The following CEP63 variants were observed in gnomAD, a reference collection of about 807,000 sequenced individuals.
CEP63 encodes centrosomal protein 63.
Under a neutral mutation model 89.1 loss-of-function variants are expected in CEP63, and 84 were observed. That is an observed-to-expected ratio of 0.94 (90% CI 0.79 to 1.13). CEP63 has a LOEUF of 1.13. Ranked by LOEUF, CEP63 falls within the 50% of genes most tolerant of loss-of-function variation. The pLI, the probability that CEP63 is intolerant of heterozygous loss-of-function variation, is 0.00. For missense variants in CEP63, 838 were observed against 813.3 expected (o/e 1.03, Z -0.37); for synonymous variants, 267 against 272.5 (o/e 0.98, Z 0.20).
chr3:134,543,222 T>G (rs1326191896), intron 6 of CEP63, among the ~76,000 whole-genome samples: 1 of 152,230 alleles, frequency 6.6e-6, no homozygotes, highest in Non-Finnish European at 1.5e-5. Flanking sequence ...ACTTTACATT[T>G]TTTTAATGAG....
chr3:134,687,964 G>A, the CEP63 span, among the ~76,000 whole-genome samples: 3 of 152,212 alleles, frequency 2.0e-5, no homozygotes, highest in African/African-American at 2.4e-5. Context: ...CATCACTGAC[G>A]GGGAAGTAAA....
chr3:134,764,560 G>A, the CEP63 span, among the ~76,000 whole-genome samples: 1 of 152,158 alleles, frequency 6.6e-6, no homozygotes, highest in East Asian at 1.9e-4. Flanking sequence ...TCACAATGGG[G>A]CAGTACATAG....
chr3:134,728,960 A>G, the CEP63 span, among the ~76,000 whole-genome samples: 4 of 152,124 alleles, frequency 2.6e-5, no homozygotes, highest in Non-Finnish European at 5.9e-5. Flanking sequence ...ATTATATTCC[A>G]TGTACATTTC....
At chr3:134,690,980 C>T in the CEP63 span, among the ~76,000 whole-genome samples, 1 of 152,152 alleles carries the variant, frequency 6.6e-6, no homozygotes, top group Non-Finnish European at 1.5e-5. Flanking sequence ...AACTCCTGAC[C>T]TCAGGTAATC....
At chr3:134,693,764 A>T in the CEP63 span, among the ~76,000 whole-genome samples, 1 of 152,190 alleles carries the variant, frequency 6.6e-6, no homozygotes, top group African/African-American at 2.4e-5. Context: ...AACGTAGAGA[A>T]CCTGAGTGCA....
chr3:134,644,812 A>T, the CEP63 span, among the ~76,000 whole-genome samples: 1 of 152,224 alleles, frequency 6.6e-6, no homozygotes, highest in African/African-American at 2.4e-5. Context: ...TGCCCTGGAA[A>T]GCCTGCCTCC....
chr3:134,611,420 C>T, the CEP63 span, among the ~76,000 whole-genome samples: 1 of 152,240 alleles, frequency 6.6e-6, no homozygotes, highest in Non-Finnish European at 1.5e-5. Context: ...AGCAGCCCTG[C>T]TCCCCTGAGG....
chr3:134,760,284 C>T, the CEP63 span, among the ~76,000 whole-genome samples: 2 of 152,092 alleles, frequency 1.3e-5, no homozygotes, highest in Non-Finnish European at 2.9e-5. Context: ...TGGTCTCGAT[C>T]TCCTGACCTC....
the CEP63 span, among the ~76,000 whole-genome samples, chr3:134,757,892 G>C: frequency 3.3e-5 from 5 of 152,122 alleles, no homozygotes; most frequent in African/African-American, 7.2e-5. Context: ...GGGGAATTTG[G>C]GGGGAATGGA....
chr3:134,666,259 A>G, the CEP63 span, among the ~76,000 whole-genome samples: 2 of 152,206 alleles, frequency 1.3e-5, no homozygotes, highest in Non-Finnish European at 1.5e-5. Flanking sequence ...GGGTCCTGAC[A>G]GTGGTTTTCA....
Position 134,532,860 on chromosome 3 carries a change from A to G in CEP63, c.401A>G (p.Glu134Gly), listed in dbSNP as rs1214400361. 1 of 1,613,898 alleles carries G rather than the reference A, an allele frequency of 6.2e-7. No homozygotes were observed. The highest frequency in any genetic ancestry group is 8.5e-7 in the Non-Finnish European group (1 of 1,179,840). The change falls in exon 5 of 15, where the codon GAA becomes GGA. Residue 134 changes from glutamate (E) to glycine (G), a missense_variant. By Grantham distance (98) the Glu-to-Gly change is moderately conservative. Coordinates refer to ENST00000675561, the MANE Select transcript of CEP63 (RefSeq NM_001353108.3). Reference sequence around the variant, plus strand: ...AGAGGAAATACCAAAAATCACAGGGAAGATCGGTCTGAAATTGAGAGGTTA... The same window carrying G: ...AGAGGAAATACCAAAAATCACAGGGGAGATCGGTCTGAAATTGAGAGGTTA... ...EFRGNTKNHREDRSEIERLTA... is the reference protein window; with the variant it reads ...EFRGNTKNHRGDRSEIERLTA...
At chr3:134,714,068 G>T in the CEP63 span, among the ~76,000 whole-genome samples, 1 of 152,192 alleles carries the variant, frequency 6.6e-6, no homozygotes, top group Non-Finnish European at 1.5e-5. Flanking sequence ...TATGGCAGCG[G>T]GGAGAGGGCT....
intron 7 of CEP63, 29 bp from the exon 8 acceptor site, chr3:134,546,120 A>G (rs1174844231): frequency 6.2e-7 from 1 of 1,611,574 alleles, no homozygotes; most frequent in Non-Finnish European, 8.5e-7. Context: ...AAAGAAGGAA[A>G]ATTATAATCA....
chr3:134,507,034 T>C, intron 2 of CEP63, 75 bp from the exon 3 acceptor site: 5 of 1,100,410 alleles, frequency 4.5e-6, no homozygotes, highest in South Asian at 1.3e-5. Flanking sequence ...ACATCTGCTA[T>C]ATTTTTACAT....
At chr3:134,722,322 C>CTCCTATACTGTATATATACAGTAT in the CEP63 span, among the ~76,000 whole-genome samples, 1 of 16,518 alleles carries the variant, frequency 6.1e-5, no homozygotes, top group South Asian at 2.0e-3. Flanking sequence ...ATATACAGTA[C>CTCCTATACTGTATATATACAGTAT]AGTATTCTCC....
chr3:134,733,908 C>T, the CEP63 span, among the ~76,000 whole-genome samples: 5 of 151,690 alleles, frequency 3.3e-5, no homozygotes, highest in African/African-American at 4.9e-5. Flanking sequence ...CCATATAAAG[C>T]TCAAATCCAA....
At chr3:134,524,572 T>C (rs577659647) in intron 3 of CEP63, among the ~76,000 whole-genome samples, 2 of 152,298 alleles carry the variant, frequency 1.3e-5, no homozygotes, top group African/African-American at 4.8e-5. Context: ...CCTAGTTTAT[T>C]GAGAGTTTTT....
the CEP63 span, among the ~76,000 whole-genome samples, chr3:134,740,194 A>G: frequency 6.6e-6 from 1 of 152,096 alleles, no homozygotes; most frequent in African/African-American, 2.4e-5. Flanking sequence ...ACTGATATTT[A>G]TCTTGCTCTT....
the CEP63 span, among the ~76,000 whole-genome samples, chr3:134,740,020 T>A: frequency 6.6e-6 from 1 of 152,054 alleles, no homozygotes; most frequent in South Asian, 2.1e-4. Flanking sequence ...GGATACTCCA[T>A]CCACCGTCCT....
Sources: allele counts gnomAD v4.1 joint callset (sites outside exome capture counted in the v4.1 genomes callset), GRCh38; gene constraint gnomAD v4.1.1; transcripts MANE v1.5; gene names NCBI Gene and HGNC (gene_info 2026-07-23, HGNC 2026-07-21).